LARGE1: variants seen among roughly 807,000 people sequenced by gnomAD.
LARGE1 encodes LARGE xylosyl- and glucuronyltransferase 1, also known as xylosyl- and glucuronyltransferase LARGE1.
Under a neutral mutation model 87.6 loss-of-function variants are expected in LARGE1, and 43 were observed. That is an observed-to-expected ratio of 0.49 (90% CI 0.38 to 0.63). The LOEUF (loss-of-function observed/expected upper bound fraction) is 0.63, where lower values mean the gene tolerates loss of function less well. Among genes scored for constraint, LARGE1 ranks in the 30% least tolerant of loss-of-function variants. LARGE1 has a pLI of 0.00. For synonymous variants in LARGE1, 434 were observed against 394.6 expected, an observed-to-expected ratio of 1.10 and a Z score of -1.18; for missense variants, 802 against 1,000.2, an observed-to-expected ratio of 0.80 and a Z score of 2.67.
chr22:33,576,557 G>C (rs528847563), intron 5 of LARGE1, among the ~76,000 whole-genome samples: 1 of 152,092 alleles, frequency 6.6e-6, no homozygotes, highest in Non-Finnish European at 1.5e-5. Context: ...GCTTTATCAG[G>C]GTATGCCATA....
At chr22:33,418,551 G>C (rs1291014125) in intron 7 of LARGE1, among the ~76,000 whole-genome samples, 1 of 152,202 alleles carries the variant, frequency 6.6e-6, no homozygotes, top group Non-Finnish European at 1.5e-5. Context: ...AGGATGGCTA[G>C]GGAAGCCCAC....
Position 33,552,042 on chromosome 22 carries a change from A to G in LARGE1, c.787+12806T>C, listed in dbSNP as rs183004304. On this transcript the variant is annotated intron_variant, in intron 6 of 14. Coordinates refer to ENST00000397394, the MANE Select transcript of LARGE1 (RefSeq NM_133642.5). ...TGATCTAGCTAAAAAATTCACATTAATCACGGGTAATACTAAAATGTTCCC... is the reference window on the plus strand; with the variant it reads ...TGATCTAGCTAAAAAATTCACATTAGTCACGGGTAATACTAAAATGTTCCC... 4.0e-3 allele frequency among the ~76,000 whole-genome samples: 610 copies of G among 151,798 alleles called. 2 individuals carry two copies. Among genetic ancestry groups the G allele is most frequent in the Non-Finnish European group, 6.9e-3 (468 of 67,940 alleles).
chr22:33,763,380 T>C lies in LARGE1; in HGVS notation c.-82-1822A>G, dbSNP rs1477465715. On this transcript the variant is annotated intron_variant, in intron 1 of 14. Transcript: ENST00000397394. ...TGGAACAGATGAAAGACCACGGGGC[T>C]AGAGGGTGTAGACTAGAAAGTAAAA... Among the ~76,000 whole-genome samples, 3 of 152,166 alleles carry C rather than the reference T, an allele frequency of 2.0e-5. No homozygotes were observed. The East Asian group carries it at 5.8e-4, about 29-fold the overall frequency.
chr22:33,351,927 T>C (rs532109671), intron 9 of LARGE1, among the ~76,000 whole-genome samples: 1 of 152,010 alleles, frequency 6.6e-6, no homozygotes, highest in Non-Finnish European at 1.5e-5. Context: ...TTAGTAGAGA[T>C]GGGGCTTCAC....
At chr22:33,464,890 CAT>C (rs200292395) in intron 6 of LARGE1, among the ~76,000 whole-genome samples, 5,252 of 122,596 alleles carry the variant, frequency 0.043, 294 homozygotes, top group African/African-American at 0.21. Context: ...CATGCACACA[CAT>C]ACACACACAC....
In LARGE1 at chr22:33,361,873, G is replaced by C. The variant is rs1402178760; in HGVS notation, c.1131+20046C>G. On this transcript the variant is annotated intron_variant, in intron 9 of 14. Transcript: ENST00000397394. ...TAGGTCTCACTAGAGACTTTTCTGA[G>C]AGCAGGAACCATGGCTCACTCAGCT... Among the ~76,000 whole-genome samples, 4 of 148,618 alleles carry C rather than the reference G, an allele frequency of 2.7e-5. No individual in the cohort carries two copies. In the East Asian group the frequency reaches 7.8e-4, roughly 29 times the overall value.
chr22:33,331,599 G>A (rs1008207353), intron 10 of LARGE1, among the ~76,000 whole-genome samples: 8 of 151,978 alleles, frequency 5.3e-5, no homozygotes, highest in Non-Finnish European at 8.8e-5. Flanking sequence ...GTAGAGACGG[G>A]GTTTCGCCAT....
At chr22:33,747,386 T>G (rs1255566038) in intron 2 of LARGE1, among the ~76,000 whole-genome samples, 4 of 152,026 alleles carry the variant, frequency 2.6e-5, no homozygotes, top group African/African-American at 9.6e-5. Context: ...CCACCCAGAC[T>G]CCTCCTTGGC....
chr22:33,344,705 G>A (rs1004353902), intron 9 of LARGE1, among the ~76,000 whole-genome samples: 3 of 151,976 alleles, frequency 2.0e-5, no homozygotes, highest in African/African-American at 7.3e-5. Context: ...TTGGTCCCTT[G>A]AGGGAAAGAA....
At chr22:33,563,679 G>A (rs2077932087) in intron 6 of LARGE1, among the ~76,000 whole-genome samples, 1 of 152,148 alleles carries the variant, frequency 6.6e-6, no homozygotes, top group African/African-American at 2.4e-5. Context: ...AAAAGGACAC[G>A]TCCACACGTT....
chr22:33,335,281 G>GA (rs1569068140), intron 10 of LARGE1, among the ~76,000 whole-genome samples: 1 of 152,232 alleles, frequency 6.6e-6, no homozygotes, highest in African/African-American at 2.4e-5. Context: ...CCCAGAATCT[G>GA]AAAGAGTTCC....
chr22:33,408,158 T>C (rs2066170796), intron 7 of LARGE1, among the ~76,000 whole-genome samples: 1 of 152,030 alleles, frequency 6.6e-6, no homozygotes, highest in Admixed American at 6.5e-5. Context: ...TTTTTTTTTG[T>C]ATTTTTAACA....
Position 33,432,191 on chromosome 22 carries a change from A to G in LARGE1, c.862T>C (p.Trp288Arg). Residue 288 changes from tryptophan (W) to arginine (R), a missense_variant, in exon 7 of 15, where the codon TGG becomes CGG. By Grantham distance (101) the Trp-to-Arg change is moderately radical. Transcript: ENST00000397394. Reference protein sequence around the residue: ...LGNLWKNHRPWPALGRGYNTG... With the variant: ...LGNLWKNHRPRPALGRGYNTG... Reference sequence around the variant, plus strand: ...TTGTAGCCTCTTCCAAGGGCTGGCCATGGGCGGTGATTTTTCCACAGGTTT... The same window carrying G: ...TTGTAGCCTCTTCCAAGGGCTGGCCGTGGGCGGTGATTTTTCCACAGGTTT... The G allele has an allele frequency of 6.2e-7, 1 of 1,614,098 alleles. No homozygotes were observed. Among genetic ancestry groups the G allele is most frequent in the Non-Finnish European group, 8.5e-7 (1 of 1,179,996 alleles).
At chr22:33,810,577 C>A (rs980470626) in intron 1 of LARGE1, among the ~76,000 whole-genome samples, 1 of 152,144 alleles carries the variant, frequency 6.6e-6, no homozygotes, top group South Asian at 2.1e-4. Flanking sequence ...GCTTTAAGAA[C>A]CATTATGCGC....
At chr22:33,824,618 T>C (rs1259317346) in intron 1 of LARGE1, among the ~76,000 whole-genome samples, 2 of 152,180 alleles carry the variant, frequency 1.3e-5, no homozygotes, top group African/African-American at 4.8e-5. Context: ...TAGACATTCA[T>C]TGAGGACCTG....
Position 33,679,796 on chromosome 22 carries a change from C to T in LARGE1, c.107-29128G>A, listed in dbSNP as rs535401896. Among the ~76,000 whole-genome samples, 13 of 152,198 alleles carry T rather than the reference C, an allele frequency of 8.5e-5. No individual in the cohort carries two copies. The East Asian group carries it at 2.5e-3, about 29-fold the overall frequency. ...GGCGGAGGTTGCAGTGAGCCGAGAT[C>T]GTGCCACTGCACTCCAGCCTGGGCA... On this transcript the variant is annotated intron_variant, in intron 2 of 14. Coordinates refer to ENST00000397394, the MANE Select transcript of LARGE1 (RefSeq NM_133642.5).
chr22:33,246,884 G>T (rs1200523431), intron 11 of LARGE1, among the ~76,000 whole-genome samples: 1 of 152,126 alleles, frequency 6.6e-6, no homozygotes, highest in Non-Finnish European at 1.5e-5. Context: ...GCCATGAGAA[G>T]AACAGCACAA....
rs527803005 is a variant in LARGE1, at chr22:33,780,194, C to T, written c.-82-18636G>A. On this transcript the variant is annotated intron_variant, in intron 1 of 14. Transcript: ENST00000397394. ...GACGCTGGTTGTAATGGATTAAGGA[C>T]CCAAGTGGCTTCAGGATGACCTCAA... Among the ~76,000 whole-genome samples, 5 of 152,336 alleles carry T rather than the reference C, an allele frequency of 3.3e-5. No individual in the cohort carries two copies. The South Asian group carries it at 6.2e-4, about 19-fold the overall frequency.
At chr22:33,688,284 A>G (rs754532088) in intron 2 of LARGE1, among the ~76,000 whole-genome samples, 19 of 152,204 alleles carry the variant, frequency 1.2e-4, no homozygotes, top group South Asian at 4.1e-4. Flanking sequence ...AGGAAGCAGT[A>G]GGTTAAGTGT....
Sources: gnomAD v4.1 joint callset for allele counts (sites outside exome capture counted in the v4.1 genomes callset) on GRCh38, gnomAD v4.1.1 for gene constraint, MANE v1.5 for transcripts, NCBI Gene and HGNC (gene_info 2026-07-23, HGNC 2026-07-21) for gene names.